LILRB1: variants seen among roughly 807,000 people sequenced by gnomAD.
The protein encoded by LILRB1 is leukocyte immunoglobulin like receptor B1.
In LILRB1, 59 loss-of-function variants were observed where a neutral mutation model predicts 74.6. That is an observed-to-expected ratio of 0.79 (90% CI 0.64 to 0.98). The LOEUF is 0.98. LILRB1 is among the 50% of genes least tolerant of loss of function. The pLI, the probability that LILRB1 is intolerant of heterozygous loss-of-function variation, is 0.00. For synonymous variants in LILRB1, 328 were observed against 333.9 expected, an observed-to-expected ratio of 0.98 and a Z score of 0.19; for missense variants, 804 against 822.6, an observed-to-expected ratio of 0.98 and a Z score of 0.28.
chr19:54,619,328 A>G (rs1273266457), intron 1 of LILRB1, among the ~76,000 whole-genome samples: 1 of 152,096 alleles, frequency 6.6e-6, no homozygotes, highest in Admixed American at 6.5e-5. Context: ...TCACAATAAG[A>G]CTTTTTTTAA....
chr19:54,619,176 A>G (rs947061787), intron 1 of LILRB1, among the ~76,000 whole-genome samples: 2 of 152,168 alleles, frequency 1.3e-5, no homozygotes, highest in Non-Finnish European at 1.5e-5. Context: ...TTGGTAAAAA[A>G]GATGAAAAGG....
At chr19:54,632,352 C>A in intron 5 of LILRB1, 112 bp from the exon 6 acceptor site, 10 of 1,547,744 alleles carry the variant, frequency 6.5e-6, no homozygotes, top group Non-Finnish European at 8.7e-6. Flanking sequence ...GCTCAGGGCT[C>A]CTGGGGCCAG....
intron 1 of LILRB1, among the ~76,000 whole-genome samples, chr19:54,619,006 A>G (rs1282180640): frequency 6.6e-6 from 1 of 152,180 alleles, no homozygotes; most frequent in Non-Finnish European, 1.5e-5. Context: ...GGTAATTTAT[A>G]ATTTAAAAAT....
intron 9 of LILRB1, chr19:54,634,304 C>T: frequency 6.5e-7 from 1 of 1,539,020 alleles, no homozygotes; most frequent in East Asian, 2.5e-5. Flanking sequence ...GAGACGGTGA[C>T]CTGGGGCAGG....
At position 54,634,764 on chromosome 19, in the gene LILRB1, G is replaced by A. The variant is rs1438783636; in HGVS notation, c.1486+1G>A. On this transcript the variant is annotated splice_donor_variant, in intron 10 of 14. Coordinates refer to ENST00000324602, the MANE Select transcript of LILRB1 (RefSeq NM_001081637.3). LOFTEE classifies it high-confidence loss of function. ...CGTCAGGGCAAACACTGGACATCGA[G>A]TGAGTAGGGAATGGGGGGACCCTGA... is the stretch of plus-strand genomic sequence containing the variant. The A allele has an allele frequency of 6.2e-7, 1 of 1,613,646 alleles. No homozygotes were observed. Among genetic ancestry groups the A allele is most frequent in the African/African-American group, 1.3e-5 (1 of 74,888 alleles).
intron 1 of LILRB1, among the ~76,000 whole-genome samples, chr19:54,617,724 T>C (rs889584895): frequency 2.6e-5 from 4 of 152,164 alleles, no homozygotes; most frequent in African/African-American, 7.2e-5. Context: ...TTGCTGATTT[T>C]TTCTCCTAAA....
At chr19:54,634,986 G>A in intron 10 of LILRB1, 118 bp from the exon 11 acceptor site, 1 of 1,441,636 alleles carries the variant, frequency 6.9e-7, no homozygotes, top group Admixed American at 2.3e-5. Context: ...ATCCTATGAG[G>A]CATTTGGAAC....
rs183056459 is a variant in LILRB1 at position 54,635,746 on chromosome 19, G to C, written c.1653+137G>C. ...CTCCTTGTCCAGCACGCTGCCTCCCGCCTGCTGCGACCTCACTCTCTCCTG... is the reference window on the plus strand; with the variant it reads ...CTCCTTGTCCAGCACGCTGCCTCCCCCCTGCTGCGACCTCACTCTCTCCTG... On this transcript the variant is annotated intron_variant, in intron 13 of 14. Coordinates refer to ENST00000324602, the MANE Select transcript of LILRB1 (RefSeq NM_001081637.3). 9 of 1,045,360 alleles carry C rather than the reference G, an allele frequency of 8.6e-6. No homozygotes were observed. In the East Asian group the frequency reaches 2.1e-4, roughly 25 times the overall value. The allele number at this position is 1,045,360 out of a possible 1,614,324, so 64.8% of individuals were successfully genotyped here.
intron 1 of LILRB1, 117 bp downstream of exon 1, chr19:54,630,750 G>A (rs2029870696): frequency 1.3e-5 from 9 of 712,620 alleles, no homozygotes; most frequent in Non-Finnish European, 2.2e-5. Flanking sequence ...GGCAGACACA[G>A]GAAGGAACCA....
At position 54,636,938 on chromosome 19, in the gene LILRB1, C is replaced by A. The variant is rs931593747; in HGVS notation, c.*60C>A. 8 of 1,604,572 alleles carry A rather than the reference C, an allele frequency of 5.0e-6. No homozygotes were observed. Among genetic ancestry groups the A allele is most frequent in the East Asian group, 2.2e-5 (1 of 44,772 alleles). On this transcript the variant is annotated 3_prime_UTR_variant, in exon 15 of 15. Coordinates refer to ENST00000324602, the MANE Select transcript of LILRB1 (RefSeq NM_001081637.3). ...GTCTGGAATGCATGGGAGCTGCCCC[C>A]CCAGTGGACACCATTGGACCCCACC...
chr19:54,625,740 C>G (rs1021370244), upstream of LILRB1, among the ~76,000 whole-genome samples: 1 of 145,360 alleles, frequency 6.9e-6, no homozygotes, highest in African/African-American at 2.6e-5. Context: ...GGTTAGGGAG[C>G]CTCGCACTCA....
chr19:54,616,947 G>C (rs922370207), upstream of LILRB1, among the ~76,000 whole-genome samples: 1 of 152,126 alleles, frequency 6.6e-6, no homozygotes, highest in Non-Finnish European at 1.5e-5. Flanking sequence ...TTTTAAAAAG[G>C]CTTGTCCAGG....
chr19:54,624,008 G>T (rs184242656), intron 1 of LILRB1, among the ~76,000 whole-genome samples: 96 of 152,250 alleles, frequency 6.3e-4, no homozygotes, highest in African/African-American at 2.1e-3. Context: ...AGCCACCCTC[G>T]GCACAAGCAG....
In LILRB1 at chr19:54,633,759, A is replaced by T. The variant is rs562855709; in HGVS notation, c.1312+71A>T. 65 of 1,530,186 alleles carry T rather than the reference A, an allele frequency of 4.2e-5. No homozygotes were observed. In the African/African-American group the frequency reaches 8.8e-4, roughly 21 times the overall value. The allele number at this position is 1,530,186 out of a possible 1,614,324, so 94.8% of individuals were successfully genotyped here. A position where few individuals can be genotyped will look rare whatever the true frequency, so the allele number is the denominator to read the frequency against. On this transcript the variant is annotated intron_variant, in intron 8 of 14. Transcript: ENST00000324602. ...AGGGCAGCCCTGGGTCTCCCAGAGA[A>T]TCCCATTCCCCTCAAAGACTCGAGC...
chr19:54,622,561 G>A (rs77523622), intron 1 of LILRB1, among the ~76,000 whole-genome samples: 6,854 of 152,258 alleles, frequency 0.045, 214 homozygotes, highest in Non-Finnish European at 0.063. Context: ...CCAAGTCTAC[G>A]AGTCTTCTGG....
chr19:54,627,123 T>G (rs1374472883), upstream of LILRB1, among the ~76,000 whole-genome samples: 2 of 152,156 alleles, frequency 1.3e-5, no homozygotes, highest in African/African-American at 4.8e-5. Context: ...AGAGACAAAG[T>G]GCCATGGCTG....
chr19:54,626,032 C>T (rs1320516091), upstream of LILRB1, among the ~76,000 whole-genome samples: 1 of 152,222 alleles, frequency 6.6e-6, no homozygotes, highest in Non-Finnish European at 1.5e-5. Context: ...CTTTCCATGT[C>T]CTCATGTTTC....
chr19:54,629,210 T>C (rs1438782669), upstream of LILRB1, among the ~76,000 whole-genome samples: 1 of 152,044 alleles, frequency 6.6e-6, no homozygotes, highest in African/African-American at 2.4e-5. Context: ...ACTTTTCCTA[T>C]ATGCAGGCCC....
chr19:54,634,237 C>T, intron 9 of LILRB1: 17 of 1,499,400 alleles, frequency 1.1e-5, no homozygotes, highest in Non-Finnish European at 1.5e-5. Context: ...GAGGAGGCCT[C>T]CCAGGGAACC....
Sources: gnomAD v4.1 joint callset for allele counts (sites outside exome capture counted in the v4.1 genomes callset) on GRCh38, gnomAD v4.1.1 for gene constraint, MANE v1.5 for transcripts, NCBI Gene and HGNC (gene_info 2026-07-23, HGNC 2026-07-21) for gene names.